The following EVA1C variants were observed in gnomAD, a reference collection of about 807,000 sequenced individuals.
EVA1C encodes eva-1 homolog C, also known as protein eva-1 homolog C.
In EVA1C, 25 loss-of-function variants were observed where a neutral mutation model predicts 45.4. The ratio of observed to expected loss-of-function variants is 0.55; its 90% confidence interval spans 0.40 to 0.77. The LOEUF (loss-of-function observed/expected upper bound fraction) is 0.77. Among genes scored for constraint, EVA1C ranks in the 30% least tolerant of loss-of-function variants. The pLI, the probability that EVA1C is intolerant of heterozygous loss-of-function variation, is 0.00. For synonymous variants in EVA1C, 190 were observed against 221.2 expected (o/e 0.86, Z 1.25); for missense variants, 479 against 554.8 (o/e 0.86, Z 1.37).
intron 4 of EVA1C, among the ~76,000 whole-genome samples, chr21:32,472,371 C>T (rs1303270086): frequency 6.6e-6 from 1 of 152,120 alleles, no homozygotes; most frequent in East Asian, 1.9e-4. Flanking sequence ...GTTGGCCAGG[C>T]TGGTCTCGAA....
intron 1 of EVA1C, among the ~76,000 whole-genome samples, chr21:32,420,268 G>A (rs2034216036): frequency 6.6e-6 from 1 of 152,218 alleles, no homozygotes; most frequent in Admixed American, 6.5e-5. Flanking sequence ...CACTCGGGAG[G>A]CTGAGGCAGG....
At chr21:32,416,206 T>G (rs1163536848) in intron 1 of EVA1C, among the ~76,000 whole-genome samples, 2 of 149,968 alleles carry the variant, frequency 1.3e-5, no homozygotes, top group Admixed American at 6.7e-5. Context: ...ACTTACTGTT[T>G]TGTGTGTGTG....
intron 3 of EVA1C, among the ~76,000 whole-genome samples, chr21:32,460,721 G>C (rs1325939876): frequency 6.6e-6 from 1 of 151,876 alleles, no homozygotes; most frequent in Non-Finnish European, 1.5e-5. Flanking sequence ...TCATGGAGAG[G>C]CACTTGGTAC....
At chr21:32,446,368 T>C (rs1465000067) in intron 1 of EVA1C, among the ~76,000 whole-genome samples, 1 of 152,346 alleles carries the variant, frequency 6.6e-6, no homozygotes, top group African/African-American at 2.4e-5. Context: ...TCTTCCAGGA[T>C]AGCAAATACT....
chr21:32,413,133 A>ACAC, intron 1 of EVA1C, 120 bp downstream of exon 1: 2 of 856,594 alleles, frequency 2.3e-6, no homozygotes, highest in Non-Finnish European at 3.2e-6. Flanking sequence ...AGGCGTGCTC[A>ACAC]CAGACACTTG....
At chr21:32,508,426 T>C (rs2037844579) in intron 7 of EVA1C, among the ~76,000 whole-genome samples, 1 of 152,136 alleles carries the variant, frequency 6.6e-6, no homozygotes, top group South Asian at 2.1e-4. Context: ...GGCATAATTG[T>C]TTCATAAGGG....
At chr21:32,439,409 T>G (rs1281046001) in intron 1 of EVA1C, among the ~76,000 whole-genome samples, 1 of 152,078 alleles carries the variant, frequency 6.6e-6, no homozygotes. Context: ...TAAGGATGAA[T>G]ATGAAGCTGG....
intron 1 of EVA1C, among the ~76,000 whole-genome samples, chr21:32,417,531 T>A (rs565154365): frequency 1.3e-5 from 2 of 152,350 alleles, no homozygotes; most frequent in African/African-American, 4.8e-5. Context: ...TCTGAAGTGC[T>A]AGAGATTAGA....
At chr21:32,484,559 AT>A (rs965058263) in intron 4 of EVA1C, among the ~76,000 whole-genome samples, 1 of 151,430 alleles carries the variant, frequency 6.6e-6, no homozygotes, top group African/African-American at 2.4e-5. Flanking sequence ...AAAAAAAAAA[AT>A]TTATTGGGGC....
chr21:32,458,080 G>C (rs914177920), intron 3 of EVA1C, among the ~76,000 whole-genome samples: 1 of 152,178 alleles, frequency 6.6e-6, no homozygotes, highest in African/African-American at 2.4e-5. Context: ...GCGTTTCAGA[G>C]GTGTCTTGTG....
Position 32,515,045 on chromosome 21 carries a change from G to C in EVA1C, c.1181G>C (p.Cys394Ser). 2 of 1,614,194 alleles carry C rather than the reference G, an allele frequency of 1.2e-6. No individual in the cohort carries two copies. The highest frequency in any genetic ancestry group is 1.7e-6 in the Non-Finnish European group (2 of 1,180,034). ...SDFPGELSGFCRTSYPIYSSI... is the reference protein window; with the variant it reads ...SDFPGELSGFSRTSYPIYSSI... ...TTCCCAGGGGAACTGTCGGGGTTCT[G>C]TAGGACTTCATATCCTATATACAGT... The change falls in exon 8 of 8, where the codon TGT (cysteine) becomes TCT (serine). Residue 394 changes from cysteine (C) to serine (S), a missense_variant. Cys to Ser is a moderately radical substitution (Grantham distance 112). Around this residue, in one of 3 missense-constraint regions of EVA1C, gnomAD observed 366 missense variants for 426.1 expected, o/e 0.86. Transcript: ENST00000300255.
At chr21:32,492,856 A>G (rs182192477) in intron 4 of EVA1C, among the ~76,000 whole-genome samples, 115 of 151,880 alleles carry the variant, frequency 7.6e-4, no homozygotes, top group Middle Eastern at 3.4e-3. Context: ...CCACCCTTTC[A>G]TGGAGACTGG....
chr21:32,435,920 G>C (rs113844782), intron 1 of EVA1C, among the ~76,000 whole-genome samples: 201 of 152,382 alleles, frequency 1.3e-3, no homozygotes, highest in African/African-American at 4.5e-3. Flanking sequence ...TGCAATGCCA[G>C]ATTTAAATAG....
chr21:32,435,491 T>C (rs2034910046), intron 1 of EVA1C, among the ~76,000 whole-genome samples: 2 of 152,230 alleles, frequency 1.3e-5, no homozygotes, highest in Admixed American at 6.5e-5. Context: ...GGATGCCCCA[T>C]GGCCACTGCA....
intron 7 of EVA1C, among the ~76,000 whole-genome samples, chr21:32,504,559 G>A (rs1400187768): frequency 2.6e-5 from 4 of 152,126 alleles, no homozygotes; most frequent in South Asian, 2.1e-4. Flanking sequence ...GCCACACCGC[G>A]GGGACCTCTT....
intron 5 of EVA1C, among the ~76,000 whole-genome samples, chr21:32,500,877 T>TCTTCG (rs369614129): frequency 2.0e-5 from 3 of 152,222 alleles, no homozygotes; most frequent in African/African-American, 7.2e-5. Context: ...AGTGGTGCGC[T>TCTTCG]CTTCGCTCAC....
Position 32,444,053 on chromosome 21 carries a change from AACACACACACACAC to A in EVA1C, c.161-9233_161-9220del, listed in dbSNP as rs60086580. Among the ~76,000 whole-genome samples the A allele has an allele frequency of 9.4e-3, 1,313 of 140,034 alleles. 17 individuals are homozygous for A. The highest frequency in any genetic ancestry group is 0.032 in the African/African-American group (1,240 of 39,210). 91.9% of individuals were successfully genotyped at this position (140,034 alleles called of 152,430 possible). A position where few individuals can be genotyped will look rare whatever the true frequency, so the allele number is the denominator to read the frequency against. On this transcript the variant is annotated intron_variant, in intron 1 of 7. Coordinates refer to ENST00000300255, the MANE Select transcript of EVA1C (RefSeq NM_058187.5). ...CCACTTCTGACACCAATTGTGTGAA[AACACACACACACAC>A]ACACACACACACACACACACACACA...
rs2037293145 is a variant in EVA1C, at chr21:32,494,920, T to G, written c.635-107T>G. 2.5e-6 allele frequency: 3 copies of G among 1,197,506 alleles called. No individual in the cohort carries two copies. The Admixed American group carries it at 6.6e-5, about 26-fold the overall frequency. The allele number at this position is 1,197,506 out of a possible 1,614,324, so 74.2% of individuals were successfully genotyped here. ...GAAAATAAGCAGAGAAACTCTCCATTTGATTTGAATCCAGCTCAGCATATT... is the reference window on the plus strand; with the variant it reads ...GAAAATAAGCAGAGAAACTCTCCATGTGATTTGAATCCAGCTCAGCATATT... On this transcript the variant is annotated intron_variant, in intron 4 of 7. Transcript: ENST00000300255.
intron 5 of EVA1C, among the ~76,000 whole-genome samples, chr21:32,497,968 G>A (rs1163201169): frequency 2.0e-5 from 3 of 152,126 alleles, no homozygotes; most frequent in Non-Finnish European, 2.9e-5. Flanking sequence ...CCCACAACAC[G>A]TGGGAATTAT....
Sources: allele counts gnomAD v4.1 joint callset (sites outside exome capture counted in the v4.1 genomes callset), GRCh38; gene constraint gnomAD v4.1.1; regional missense constraint gnomAD v4.1.1; transcripts MANE v1.5; gene names NCBI Gene and HGNC (gene_info 2026-07-23, HGNC 2026-07-21).